The following CNTNAP1 variants were observed in gnomAD, a reference collection of about 807,000 sequenced individuals.
CNTNAP1 encodes the protein contactin associated protein 1.
A neutral mutation model predicts 161.5 loss-of-function variants in CNTNAP1; 80 were observed. The observed-to-expected ratio is 0.50, with a 90% CI of 0.41 to 0.60. The LOEUF (loss-of-function observed/expected upper bound fraction) is 0.60. CNTNAP1 is among the 20% of genes least tolerant of loss of function. The probability of loss-of-function intolerance (pLI) is 0.00; values close to 1 mark genes in which losing one functional copy is unlikely to be tolerated. For synonymous variants in CNTNAP1, 695 were observed against 733.1 expected (o/e 0.95, Z 0.84); for missense variants, 1,464 against 1,854.8 (o/e 0.79, Z 3.87).
chr17:42,685,819 C>G lies in CNTNAP1; in HGVS notation c.716-138C>G. The G allele has an allele frequency of 1.2e-6, 1 of 869,018 alleles. No homozygotes were observed. The highest frequency in any genetic ancestry group is 1.7e-6 in the Non-Finnish European group (1 of 571,526). The allele number at this position is 869,018 out of a possible 1,614,324, so 53.8% of individuals were successfully genotyped here. ...TAAATGGCTTACCCTGTCACACACTCGCCAATGGCTGTTGATCTATTCGCC... is the reference window on the plus strand; with the variant it reads ...TAAATGGCTTACCCTGTCACACACTGGCCAATGGCTGTTGATCTATTCGCC... On this transcript the variant is annotated intron_variant, in intron 5 of 23. Coordinates refer to ENST00000264638, the MANE Select transcript of CNTNAP1 (RefSeq NM_003632.3). The surrounding 1 kb of genome is among the most constrained non-coding windows in gnomAD (Gnocchi z 5.0).
chr17:42,694,468 G>C (rs1403392674), intron 18 of CNTNAP1, among the ~76,000 whole-genome samples: 1 of 152,028 alleles, frequency 6.6e-6, no homozygotes, highest in Non-Finnish European at 1.5e-5. Context: ...CACAGCGCCT[G>C]GCAAAATTTT....
chr17:42,687,005 G>T lies in CNTNAP1; in HGVS notation c.1003G>T (p.Ala335Ser). Reference protein sequence around the residue: ...ENVIFNRVNIADLAVRRHSRI... With the variant: ...ENVIFNRVNISDLAVRRHSRI... ...CGTAATCTTCAACCGCGTCAACATCGCAGACCTGGCCGTGCGGCGCCATTC... is the reference window on the plus strand; with the variant it reads ...CGTAATCTTCAACCGCGTCAACATCTCAGACCTGGCCGTGCGGCGCCATTC... Residue 335 changes from alanine to serine, a missense_variant, in exon 7 of 24, where the codon GCA (alanine) becomes TCA (serine). By Grantham distance (99) the Ala-to-Ser change is moderately conservative. Coordinates refer to ENST00000264638, the MANE Select transcript of CNTNAP1 (RefSeq NM_003632.3). This position sits in a 1 kb window ranked among gnomAD's most constrained non-coding sequence, Gnocchi z 4.7. 6.2e-7 allele frequency: 1 copy of T among 1,613,936 alleles called. No individual in the cohort carries two copies. The highest frequency in any genetic ancestry group is 1.3e-5 in the African/African-American group (1 of 75,076).
At position 42,699,757 on chromosome 17, in the gene CNTNAP1, ATAT is replaced by A. The variant is rs1205196025; in HGVS notation, c.*848_*850del. ...CAAAGTGTCTCTCTAGAGAAACTCT[ATAT>A]ATTATTCGAATTTTTAAATTATTTG... On this transcript the variant is annotated 3_prime_UTR_variant, in exon 24 of 24. Transcript: ENST00000264638. 6.6e-6 allele frequency: 1 copy of A among 152,662 alleles called. No individual in the cohort carries two copies. The highest frequency in any genetic ancestry group is 1.5e-5 in the Non-Finnish European group (1 of 68,044). 9.5% of individuals were successfully genotyped at this position (152,662 alleles called of 1,614,324 possible). A position where few individuals can be genotyped will look rare whatever the true frequency, so the allele number is the denominator to read the frequency against.
At chr17:42,694,580 T>C (rs1158632601) in intron 18 of CNTNAP1, among the ~76,000 whole-genome samples, 2 of 151,122 alleles carry the variant, frequency 1.3e-5, no homozygotes, top group Non-Finnish European at 2.9e-5. Flanking sequence ...CAGTGAGCTA[T>C]GATCGTGCCA....
Position 42,693,520 on chromosome 17 carries a change from G to A in CNTNAP1, c.2976G>A (p.Gly992=). Reference sequence around the variant, plus strand: ...ACTGTGACCTCACGGCTTTTGATGGGCCATACTGCAACCACGGTAAGTGCT... The same window carrying A: ...ACTGTGACCTCACGGCTTTTGATGGACCATACTGCAACCACGGTAAGTGCT... ...TCDCDLTAFD[G]PYCNHDIGGF... Residue 992 remains glycine (G), a synonymous_variant, in exon 18 of 24, where the codon GGG becomes GGA. Transcript: ENST00000264638. The A allele has an allele frequency of 6.2e-7, 1 of 1,613,470 alleles. No homozygotes were observed. The highest frequency in any genetic ancestry group is 2.2e-5 in the East Asian group (1 of 44,848).
intron 8 of CNTNAP1, 147 bp from the exon 9 acceptor site, chr17:42,688,315 A>G: frequency 9.6e-7 from 1 of 1,038,436 alleles, no homozygotes; most frequent in Non-Finnish European, 1.4e-6. Flanking sequence ...ACATTCAGAG[A>G]GGTCTCCACT....
At chr17:42,695,372 G>A in intron 18 of CNTNAP1, 149 bp from the exon 19 acceptor site, 1 of 647,124 alleles carries the variant, frequency 1.5e-6, no homozygotes, top group Non-Finnish European at 2.7e-6. Flanking sequence ...CTGTGACAGA[G>A]GGGCTCAAGG....
intron 18 of CNTNAP1, 105 bp downstream of exon 18, chr17:42,693,641 G>A (rs1279880951): frequency 6.7e-7 from 1 of 1,500,104 alleles, no homozygotes; most frequent in African/African-American, 1.4e-5. Flanking sequence ...TGGAAAATTA[G>A]AGTTGTCCCT....
intron 12 of CNTNAP1, 42 bp downstream of exon 12, chr17:42,690,249 C>G: frequency 6.2e-7 from 1 of 1,609,996 alleles, no homozygotes; most frequent in Non-Finnish European, 8.5e-7. Context: ...AGGGGAGAAC[C>G]AGGAAGGATA....
At position 42,685,055 on chromosome 17, in the gene CNTNAP1, C is replaced by A. The variant is rs147205771; in HGVS notation, c.428C>A (p.Ala143Glu). 1.9e-6 allele frequency: 3 copies of A among 1,585,484 alleles called. No homozygotes were observed. Among genetic ancestry groups the A allele is most frequent in the Non-Finnish European group, 2.6e-6 (3 of 1,167,646 alleles). Residue 143 changes from alanine (A) to glutamate (E), a missense_variant, in exon 4 of 24, where the codon GCG becomes GAG. Coordinates refer to ENST00000264638, the MANE Select transcript of CNTNAP1 (RefSeq NM_003632.3). This position sits in a 1 kb window ranked among gnomAD's most constrained non-coding sequence, Gnocchi z 5.0. ...CATGACCTGCACTTCCACTTCACTG[C>A]GCGCTACATCCGCATCGTGCCCCTG... ...VRHDLHFHFT[A>E]RYIRIVPLAW...
chr17:42,685,238 A>G lies in CNTNAP1; in HGVS notation c.533A>G (p.Asp178Gly). 6.2e-7 allele frequency: 1 copy of G among 1,613,682 alleles called. No homozygotes were observed. The change falls in exon 5 of 24, where the codon GAC becomes GGC. Residue 178 changes from aspartate to glycine, a missense_variant. Asp to Gly is a moderately conservative substitution (Grantham distance 94). Transcript: ENST00000264638. This position sits in a 1 kb window ranked among gnomAD's most constrained non-coding sequence, Gnocchi z 5.0. ...CPYKADILYF[D>G]GDDAISYRFP... ...GCAGAGGCCGACATACTCTATTTCG[A>G]CGGCGACGATGCCATCTCCTACCGC...
At position 42,695,894 on chromosome 17, in the gene CNTNAP1, C is replaced by A. The variant is rs1567975845; in HGVS notation, c.3346+20C>A. The A allele has an allele frequency of 6.2e-7, 1 of 1,603,836 alleles. No homozygotes were observed. Among genetic ancestry groups the A allele is most frequent in the South Asian group, 1.1e-5 (1 of 90,388 alleles). ...ATGATGGTAAGCTCTCCCGGGCTCTCTCACCCCACTCCAGCTTCACCCCGG... is the reference window on the plus strand; with the variant it reads ...ATGATGGTAAGCTCTCCCGGGCTCTATCACCCCACTCCAGCTTCACCCCGG... On this transcript the variant is annotated intron_variant, in intron 19 of 23. Coordinates refer to ENST00000264638, the MANE Select transcript of CNTNAP1 (RefSeq NM_003632.3).
Position 42,697,357 on chromosome 17 carries a change from G to T in CNTNAP1, c.3558G>T (p.Gly1186=), listed in dbSNP as rs2053164667. The T allele has an allele frequency of 6.2e-7, 1 of 1,614,102 alleles. No homozygotes were observed. The highest frequency in any genetic ancestry group is 1.1e-5 in the South Asian group (1 of 91,082). ...ACTCACCCAAGGCCTTGTATTTAGG[G>T]CGTGTGATGGGTAAGCTGCGGGTGC... ...QLDSPKALYL[G]RVMETGVIDP... The change falls in exon 21 of 24, where the codon GGG becomes GGT. Residue 1186 remains glycine (G), a synonymous_variant. Transcript: ENST00000264638.
Position 42,690,091 on chromosome 17 carries a change from T to C in CNTNAP1, c.1739T>C (p.Leu580Ser). Residue 580 changes from leucine (L) to serine (S), a missense_variant, in exon 12 of 24, where the codon TTG becomes TCG. Physicochemically the swap from Leu to Ser is moderately radical, Grantham distance 145. Coordinates refer to ENST00000264638, the MANE Select transcript of CNTNAP1 (RefSeq NM_003632.3). ...GYKGETCHTPLYKESCEAYRL... is the reference protein window; with the variant it reads ...GYKGETCHTPSYKESCEAYRL... Reference sequence around the variant, plus strand: ...GTCTCAACCTATTATCTGCCAGCTTTGTATAAGGAATCCTGTGAGGCTTAT... The same window carrying C: ...GTCTCAACCTATTATCTGCCAGCTTCGTATAAGGAATCCTGTGAGGCTTAT... 6.2e-7 allele frequency: 1 copy of C among 1,613,680 alleles called. No individual in the cohort carries two copies. The highest frequency in any genetic ancestry group is 2.2e-5 in the East Asian group (1 of 44,862).
In CNTNAP1 at chr17:42,685,107, C is replaced by T. The variant is rs751453812; in HGVS notation, c.480C>T (p.Gly160=). 1 of 1,581,382 alleles carries T rather than the reference C, an allele frequency of 6.3e-7. No individual in the cohort carries two copies. Among genetic ancestry groups the T allele is most frequent in the Non-Finnish European group, 8.6e-7 (1 of 1,162,490 alleles). Residue 160 remains glycine, a synonymous_variant, in exon 4 of 24, where the codon GGC becomes GGT. Transcript: ENST00000264638. The surrounding 1 kb of genome is among the most constrained non-coding windows in gnomAD (Gnocchi z 5.0). ...PLAWNPRGKI[G]LRLGLYGCPY... is the part of the protein sequence containing the mutation. ...CCTGGAACCCACGCGGCAAGATCGG[C>T]CTGAGGCTCGGCCTCTATGGCTGCC...
In CNTNAP1 at chr17:42,682,810, G is replaced by A; in HGVS notation, c.-20G>A. The A allele has an allele frequency of 6.4e-7, 1 of 1,558,132 alleles. No individual in the cohort carries two copies. ...CGGAGCCGTTCACAGGGAGGCGGCT[G>A]CCGGGACCGTCAGCCCTGCATGATG... On this transcript the variant is annotated 5_prime_UTR_variant, in exon 1 of 24. Transcript: ENST00000264638.
chr17:42,692,020 G>C, intron 16 of CNTNAP1, 29 bp downstream of exon 16: 1 of 1,605,306 alleles, frequency 6.2e-7, no homozygotes, highest in Non-Finnish European at 8.5e-7. Context: ...GGAGGGCCTC[G>C]GGGTAGATGA....
Position 42,691,239 on chromosome 17 carries a change from G to A in CNTNAP1, c.2162G>A (p.Arg721Gln), listed in dbSNP as rs768029287. The change falls in exon 14 of 24, where the codon CGG becomes CAG. Residue 721 changes from arginine to glutamine, a missense_variant. Physicochemically the swap from Arg to Gln is conservative, Grantham distance 43. Coordinates refer to ENST00000264638, the MANE Select transcript of CNTNAP1 (RefSeq NM_003632.3). The surrounding 1 kb of genome is among the most constrained non-coding windows in gnomAD (Gnocchi z 4.3). The stretch of plus-strand genomic sequence containing the variant: ...CAGCGCTGTGCCTGTGGTCTGGACC[G>A]GAGCTGTGTGGACCCTGCCTTGTAC... Reference protein sequence around the residue: ...GIQRCACGLDRSCVDPALYCN... With the variant: ...GIQRCACGLDQSCVDPALYCN... 2.2e-5 allele frequency: 35 copies of A among 1,614,060 alleles called. No individual in the cohort carries two copies. In the South Asian group the frequency reaches 2.2e-4, roughly 10 times the overall value.
Position 42,687,559 on chromosome 17 carries a change from C to T in CNTNAP1, c.1045-161C>T. ...GGTTGGGGCCCCCTCCACAGATGGA[C>T]GAGCTTGGAGGGGAAGAGGTCACGT... On this transcript the variant is annotated intron_variant, in intron 7 of 23. Transcript: ENST00000264638. The surrounding 1 kb of genome is among the most constrained non-coding windows in gnomAD (Gnocchi z 4.7). 2 of 949,548 alleles carry T rather than the reference C, an allele frequency of 2.1e-6. No homozygotes were observed. The highest frequency in any genetic ancestry group is 3.1e-6 in the Non-Finnish European group (2 of 635,374). The allele number at this position is 949,548 out of a possible 1,614,324, so 58.8% of individuals were successfully genotyped here.
Sources: gnomAD v4.1 joint callset for allele counts (sites outside exome capture counted in the v4.1 genomes callset) on GRCh38, gnomAD v4.1.1 for gene constraint, Gnocchi (gnomAD v3.1) non-coding constraint, MANE v1.5 for transcripts, NCBI Gene and HGNC (gene_info 2026-07-23, HGNC 2026-07-21) for gene names.